MAP7D1: variants seen among roughly 807,000 people sequenced by gnomAD.
MAP7D1 encodes the protein MAP7 domain containing 1.
MAP7D1 carries 30 observed loss-of-function variants against 97.5 expected under a neutral mutation model. The observed-to-expected ratio is 0.31, with a 90% CI of 0.23 to 0.42. The LOEUF (loss-of-function observed/expected upper bound fraction) is 0.42. Among genes scored for constraint, MAP7D1 ranks in the 10% least tolerant of loss-of-function variants. The pLI is 1.00. For missense variants in MAP7D1, 1,184 were observed against 1,179.5 expected (o/e 1.00, Z -0.06); for synonymous variants, 536 against 477.1 (o/e 1.12, Z -1.61).
At chr1:36,168,475 G>A (rs1450637399) in intron 1 of MAP7D1, among the ~76,000 whole-genome samples, 1 of 152,158 alleles carries the variant, frequency 6.6e-6, no homozygotes, top group Non-Finnish European at 1.5e-5. Context: ...TCACTAGAGT[G>A]AGTAACTGGT....
intron 8 of MAP7D1, chr1:36,177,524 AAAC>A (rs200413506): frequency 2.1e-3 from 1,133 of 538,558 alleles, no homozygotes; most frequent in East Asian, 3.4e-3. Flanking sequence ...TCTGTCTTAA[AAAC>A]AACAACAACA....
At position 36,177,897 on chromosome 1, in the gene MAP7D1, C is replaced by T. The variant is rs745916260; in HGVS notation, c.1404C>T (p.Ser468=). The T allele has an allele frequency of 1.3e-6, 2 of 1,539,860 alleles. No individual in the cohort carries two copies. The highest frequency in any genetic ancestry group is 1.4e-5 in the African/African-American group (1 of 72,486). Residue 468 remains serine (S), a synonymous_variant, in exon 9 of 17, where the codon TCC becomes TCT. Transcript: ENST00000474796. ...GCCCCAAATCCAAGGCCAGGCCATCCTCTCCCTCCACATCCTGGCACAGGC... is the reference window on the plus strand; with the variant it reads ...GCCCCAAATCCAAGGCCAGGCCATCTTCTCCCTCCACATCCTGGCACAGGC... The part of the protein sequence containing the change: ...ELSPKSKARP[S]SPSTSWHRPA...
Position 36,179,994 on chromosome 1 carries a change from A to G in MAP7D1, c.2439A>G (p.Pro813=). ...PSGDKSLSRT[P]ETLLPFAEAE... ...GGGACAAGAGTCTGAGCCGAACACC[A>G]GAGACACTCCTGCCCTTTGCAGAGG... The change falls in exon 16 of 17, where the codon CCA becomes CCG. Residue 813 remains proline (P), a synonymous_variant. Coordinates refer to ENST00000474796, the MANE Select transcript of MAP7D1 (RefSeq NM_001388490.1). 6.2e-7 allele frequency: 1 copy of G among 1,614,218 alleles called. No individual in the cohort carries two copies. The highest frequency in any genetic ancestry group is 8.5e-7 in the Non-Finnish European group (1 of 1,180,028).
chr1:36,180,215 G>T (rs1231383108), intron 16 of MAP7D1, 33 bp from the exon 17 acceptor site: 2 of 1,614,058 alleles, frequency 1.2e-6, no homozygotes, highest in Non-Finnish European at 8.5e-7. Flanking sequence ...AGTGCTGTTT[G>T]CCCTGACTGT....
At chr1:36,173,267 T>C (rs1644571893) in intron 4 of MAP7D1, 97 bp from the exon 5 acceptor site, 1 of 834,284 alleles carries the variant, frequency 1.2e-6, no homozygotes, top group East Asian at 2.6e-5. Flanking sequence ...GGGAAGGGAG[T>C]GGGGGAGGCA....
At position 36,179,284 on chromosome 1, in the gene MAP7D1, G is replaced by A; in HGVS notation, c.2153G>A (p.Arg718Lys). 1.2e-6 allele frequency: 2 copies of A among 1,614,074 alleles called. No individual in the cohort carries two copies. Among genetic ancestry groups the A allele is most frequent in the Admixed American group, 1.7e-5 (1 of 60,018 alleles). ...RRKRLEEIMK[R>K]TRKSEVSETK... ...CAGCGTCTGGAGGAGATCATGAAGA[G>A]GACTCGGAAGTCAGAAGTTTCTGAA... Residue 718 changes from arginine to lysine, a missense_variant, in exon 13 of 17, where the codon AGG (arginine) becomes AAG (lysine). By Grantham distance (26) the Arg-to-Lys change is conservative. Coordinates refer to ENST00000474796, the MANE Select transcript of MAP7D1 (RefSeq NM_001388490.1).
chr1:36,162,737 G>C (rs1346219458), intron 1 of MAP7D1, among the ~76,000 whole-genome samples: 1 of 152,190 alleles, frequency 6.6e-6, no homozygotes, highest in Non-Finnish European at 1.5e-5. Flanking sequence ...TTAGTGTTTA[G>C]AGAGACTAAG....
rs759326459 is a variant in MAP7D1 at position 36,177,955 on chromosome 1, C to T, written c.1462C>T (p.His488Tyr). ...ASPCPSPGPG[H>Y]TLPPKPPSPR... Reference sequence around the variant, plus strand: ...CCCCTGCCCCAGCCCAGGGCCAGGCCACACTCTGCCTCCAAAGCCACCGTC... The same window carrying T: ...CCCCTGCCCCAGCCCAGGGCCAGGCTACACTCTGCCTCCAAAGCCACCGTC... Residue 488 changes from histidine (H) to tyrosine (Y), a missense_variant, in exon 9 of 17, where the codon CAC becomes TAC. His to Tyr is a moderately conservative substitution (Grantham distance 83). Coordinates refer to ENST00000474796, the MANE Select transcript of MAP7D1 (RefSeq NM_001388490.1). 6.3e-7 allele frequency: 1 copy of T among 1,598,990 alleles called. No individual in the cohort carries two copies. Among genetic ancestry groups the T allele is most frequent in the Non-Finnish European group, 8.5e-7 (1 of 1,170,610 alleles).
intron 1 of MAP7D1, among the ~76,000 whole-genome samples, chr1:36,168,225 GC>G (rs1480989318): frequency 3.3e-5 from 5 of 151,340 alleles, no homozygotes; most frequent in Admixed American, 2.0e-4. Flanking sequence ...AACCTGGGAG[GC>G]AGAGGTTGCA....
At chr1:36,179,817 G>A (rs776404846) in intron 15 of MAP7D1, 57 bp from the exon 16 acceptor site, 48 of 1,567,696 alleles carry the variant, frequency 3.1e-5, no homozygotes, top group African/African-American at 4.1e-5. Flanking sequence ...GGAGCTGCGG[G>A]GTGGCCTGGG....
chr1:36,156,330 C>A lies in MAP7D1; in HGVS notation c.-88C>A. ...ACTTGCCGGGCCGGGCCGGGCCGGG[C>A]GTGATGCGCCGCGGGACCCCTGTCC... is the stretch of plus-strand genomic sequence containing the variant. On this transcript the variant is annotated 5_prime_UTR_variant, in exon 1 of 17. Coordinates refer to ENST00000474796, the MANE Select transcript of MAP7D1 (RefSeq NM_001388490.1). 2.6e-6 allele frequency: 3 copies of A among 1,167,626 alleles called. No individual in the cohort carries two copies. The highest frequency in any genetic ancestry group is 3.4e-5 in the South Asian group (2 of 59,326). 72.3% of individuals were successfully genotyped at this position (1,167,626 alleles called of 1,614,324 possible). A position where few individuals can be genotyped will look rare whatever the true frequency, so the allele number is the denominator to read the frequency against.
Position 36,176,095 on chromosome 1 carries a change from A to C in MAP7D1, c.851-104A>C. The C allele has an allele frequency of 7.6e-7, 1 of 1,316,764 alleles. No individual in the cohort carries two copies. Among genetic ancestry groups the C allele is most frequent in the Non-Finnish European group, 1.0e-6 (1 of 970,026 alleles). 81.6% of individuals were successfully genotyped at this position (1,316,764 alleles called of 1,614,324 possible). A position where few individuals can be genotyped will look rare whatever the true frequency, so the allele number is the denominator to read the frequency against. Reference sequence around the variant, plus strand: ...GTGGGGAGAGGACTCCCGGGTGAGAAGCCTTGGCCTTGGCATGGGGATGGT... The same window carrying C: ...GTGGGGAGAGGACTCCCGGGTGAGACGCCTTGGCCTTGGCATGGGGATGGT... On this transcript the variant is annotated intron_variant, in intron 6 of 16. Coordinates refer to ENST00000474796, the MANE Select transcript of MAP7D1 (RefSeq NM_001388490.1). This position sits in a 1 kb window ranked among gnomAD's most constrained non-coding sequence, Gnocchi z 6.1.
At chr1:36,179,187 G>T (rs1048536090) in intron 12 of MAP7D1, 75 bp from the exon 13 acceptor site, 1 of 1,567,330 alleles carries the variant, frequency 6.4e-7, no homozygotes, top group Non-Finnish European at 8.8e-7. Flanking sequence ...AAGACTCCGA[G>T]GCCGGGTCTG....
rs1187331345 is a variant in MAP7D1, at chr1:36,179,498, C to G, written c.2185-17C>G. ...CGGCTGTCCCTTGAGCCTGACTGCT[C>G]TTCCTCTTCAAAGCAGAAGCAGGAC... On this transcript the variant is annotated splice_polypyrimidine_tract_variant and intron_variant, in intron 13 of 16. Coordinates refer to ENST00000474796, the MANE Select transcript of MAP7D1 (RefSeq NM_001388490.1). 6.3e-7 allele frequency: 1 copy of G among 1,580,376 alleles called. No homozygotes were observed. Among genetic ancestry groups the G allele is most frequent in the Admixed American group, 1.8e-5 (1 of 54,632 alleles).
At position 36,180,577 on chromosome 1, in the gene MAP7D1, G is replaced by A; in HGVS notation, c.*319G>A. 1 of 442,580 alleles carries A rather than the reference G, an allele frequency of 2.3e-6. No homozygotes were observed. The highest frequency in any genetic ancestry group is 2.2e-5 in the South Asian group (1 of 45,244). The allele number at this position is 442,580 out of a possible 1,614,324, so 27.4% of individuals were successfully genotyped here. Reference sequence around the variant, plus strand: ...ATTTGCCTTGATTTGGTGGGGTACAGTGGATGTGAATACTGTAAATAGCTT... The same window carrying A: ...ATTTGCCTTGATTTGGTGGGGTACAATGGATGTGAATACTGTAAATAGCTT... On this transcript the variant is annotated 3_prime_UTR_variant, in exon 17 of 17. Transcript: ENST00000474796.
chr1:36,180,007 C>T lies in MAP7D1; in HGVS notation c.2452C>T (p.Pro818Ser), dbSNP rs1644694600. The T allele has an allele frequency of 6.2e-7, 1 of 1,614,098 alleles. No homozygotes were observed. Reference protein sequence around the residue: ...SLSRTPETLLPFAEAEAFLKK... With the variant: ...SLSRTPETLLSFAEAEAFLKK... ...GAGCCGAACACCAGAGACACTCCTG[C>T]CCTTTGCAGAGGCAGAAGCCTTCCT... is the stretch of plus-strand genomic sequence containing the variant. Residue 818 changes from proline to serine, a missense_variant, in exon 16 of 17, where the codon CCC becomes TCC. Physicochemically the swap from Pro to Ser is moderately conservative, Grantham distance 74. Coordinates refer to ENST00000474796, the MANE Select transcript of MAP7D1 (RefSeq NM_001388490.1).
At chr1:36,179,047 T>C in intron 12 of MAP7D1, 22 bp downstream of exon 12, 2 of 1,546,868 alleles carry the variant, frequency 1.3e-6, no homozygotes, top group African/African-American at 1.4e-5. Context: ...TGGGCGGGGA[T>C]TTGTGGGCGG....
chr1:36,176,738 G>A lies in MAP7D1; in HGVS notation c.1275G>A (p.Glu425=), dbSNP rs748753650. 2 of 1,604,458 alleles carry A rather than the reference G, an allele frequency of 1.2e-6. No individual in the cohort carries two copies. Among genetic ancestry groups the A allele is most frequent in the South Asian group, 1.1e-5 (1 of 89,228 alleles). Reference sequence around the variant, plus strand: ...AGAAGGACAAGGAGCGGGAAAACGAGAAGGAGAAGAGTGCCCTAGCCCGGG... The same window carrying A: ...AGAAGGACAAGGAGCGGGAAAACGAAAAGGAGAAGAGTGCCCTAGCCCGGG... ...KEKKDKEREN[E]KEKSALARER... Residue 425 remains glutamate (E), a synonymous_variant, in exon 8 of 17, where the codon GAG becomes GAA. Transcript: ENST00000474796. This position sits in a 1 kb window ranked among gnomAD's most constrained non-coding sequence, Gnocchi z 6.1.
Position 36,174,860 on chromosome 1 carries a change from C to CG in MAP7D1, c.740-35dup, listed in dbSNP as rs369832079. ...CTCGGTGCCCCCCACTGGCTCCTGC[C>CG]GGGCCCGGCCCTAATGCCGTGTCTT... On this transcript the variant is annotated intron_variant, in intron 5 of 16. Coordinates refer to ENST00000474796, the MANE Select transcript of MAP7D1 (RefSeq NM_001388490.1). The CG allele has an allele frequency of 8.5e-5, 116 of 1,357,574 alleles. No homozygotes were observed. In the African/African-American group the frequency reaches 1.5e-3, roughly 17 times the overall value. The allele number at this position is 1,357,574 out of a possible 1,614,324, so 84.1% of individuals were successfully genotyped here.
Sources: allele counts gnomAD v4.1 joint callset (sites outside exome capture counted in the v4.1 genomes callset), GRCh38; gene constraint gnomAD v4.1.1; non-coding constraint Gnocchi (gnomAD v3.1); transcripts MANE v1.5; gene names NCBI Gene and HGNC (gene_info 2026-07-23, HGNC 2026-07-21).